NCK2: variants seen among roughly 807,000 people sequenced by gnomAD.
The protein encoded by NCK2 is cytoplasmic protein NCK2.
In NCK2, 16 loss-of-function variants were observed where a neutral mutation model predicts 33.9. The ratio of observed to expected loss-of-function variants is 0.47; its 90% CI spans 0.32 to 0.72. The LOEUF is 0.72. NCK2 is among the 30% of genes least tolerant of loss of function. The pLI, the probability that NCK2 is intolerant of heterozygous loss-of-function variation, is 0.03. For synonymous variants in NCK2, 273 were observed against 239.9 expected (o/e 1.14, Z -1.27); for missense variants, 418 against 537.3 (o/e 0.78, Z 2.19).
In NCK2 at chr2:105,756,039, A is replaced by T. The variant is rs1467505123; in HGVS notation, c.-201+10901A>T. Among the ~76,000 whole-genome samples, 4 of 152,246 alleles carry T rather than the reference A, an allele frequency of 2.6e-5. No homozygotes were observed. In the East Asian group the frequency reaches 7.7e-4, roughly 29 times the overall value. On this transcript the variant is annotated intron_variant, in intron 1 of 4. Coordinates refer to ENST00000233154, the MANE Select transcript of NCK2 (RefSeq NM_003581.5). ...AGTCGCTGACTTCCAGTGTCTGCAA[A>T]GCTGCCTGTTACCTGGCCTAGCATA...
At chr2:105,811,733 C>T (rs953259794) in intron 1 of NCK2, among the ~76,000 whole-genome samples, 5 of 152,138 alleles carry the variant, frequency 3.3e-5, no homozygotes, top group Admixed American at 1.3e-4. Context: ...CTGTCCAGCC[C>T]GCTGCCACTG....
At chr2:105,767,081 A>G (rs74887086) in intron 1 of NCK2, among the ~76,000 whole-genome samples, 2 of 152,084 alleles carry the variant, frequency 1.3e-5, no homozygotes, top group African/African-American at 4.8e-5. Context: ...CACACACACC[A>G]GTGCTGGGTT....
chr2:105,883,072 G>A (rs140668781), intron 4 of NCK2, among the ~76,000 whole-genome samples: 65 of 152,174 alleles, frequency 4.3e-4, no homozygotes, highest in African/African-American at 1.5e-3. Context: ...CTTTGAGGAC[G>A]GAGCATCGTG....
chr2:105,834,876 T>C (rs889578975), intron 2 of NCK2, among the ~76,000 whole-genome samples: 2 of 151,956 alleles, frequency 1.3e-5, no homozygotes, highest in African/African-American at 4.8e-5. Flanking sequence ...TGGGGTCTCA[T>C]TGTATTGCCC....
intron 3 of NCK2, among the ~76,000 whole-genome samples, chr2:105,856,335 T>C (rs1677270659): frequency 6.6e-6 from 1 of 152,216 alleles, no homozygotes; most frequent in African/African-American, 2.4e-5. Flanking sequence ...TTTAAAACGT[T>C]GTTACCTTCT....
intron 1 of NCK2, among the ~76,000 whole-genome samples, chr2:105,787,023 G>T (rs1319671060): frequency 6.6e-6 from 1 of 152,228 alleles, no homozygotes; most frequent in Non-Finnish European, 1.5e-5. Context: ...GTGAGCATGT[G>T]CCCTGCTTTC....
chr2:105,841,306 T>C (rs1419577457), intron 2 of NCK2, among the ~76,000 whole-genome samples: 2 of 152,316 alleles, frequency 1.3e-5, no homozygotes, highest in East Asian at 3.9e-4. Flanking sequence ...GTGGCTTATG[T>C]TTTTTCCCTC....
chr2:105,860,752 C>T (rs903471200), intron 3 of NCK2, among the ~76,000 whole-genome samples: 26 of 151,724 alleles, frequency 1.7e-4, no homozygotes, highest in Middle Eastern at 3.4e-3. Flanking sequence ...TGGATGCCGG[C>T]GGCGCTGTAA....
chr2:105,847,000 G>A (rs1486739668), intron 2 of NCK2, among the ~76,000 whole-genome samples: 1 of 152,198 alleles, frequency 6.6e-6, no homozygotes. Flanking sequence ...AGGGAATTCT[G>A]ACACATGCTA....
At chr2:105,795,268 C>A (rs1691037602) in intron 1 of NCK2, among the ~76,000 whole-genome samples, 1 of 151,982 alleles carries the variant, frequency 6.6e-6, no homozygotes, top group Non-Finnish European at 1.5e-5. Flanking sequence ...TTAATGTGAG[C>A]AAACACATAT....
At chr2:105,829,079 C>G (rs1676064826) in intron 2 of NCK2, among the ~76,000 whole-genome samples, 1 of 152,126 alleles carries the variant, frequency 6.6e-6, no homozygotes, top group Admixed American at 6.5e-5. Context: ...CAAGTGCTAG[C>G]TAGTGAAGTA....
chr2:105,805,789 T>C (rs900276023), intron 1 of NCK2, among the ~76,000 whole-genome samples: 5 of 152,234 alleles, frequency 3.3e-5, no homozygotes, highest in African/African-American at 7.2e-5. Flanking sequence ...CTTTTTAGGA[T>C]TGAATAATAT....
intron 1 of NCK2, among the ~76,000 whole-genome samples, chr2:105,762,942 C>T (rs889543748): frequency 1.3e-5 from 2 of 152,340 alleles, no homozygotes; most frequent in Non-Finnish European, 2.9e-5. Context: ...CGCCTGTAAT[C>T]CTAGCACTTT....
chr2:105,831,272 A>AAG (rs1173876456), intron 2 of NCK2, among the ~76,000 whole-genome samples: 3 of 152,216 alleles, frequency 2.0e-5, no homozygotes, highest in Non-Finnish European at 4.4e-5. Flanking sequence ...AGAAATGGAA[A>AAG]AGACAGTCCT....
intron 2 of NCK2, among the ~76,000 whole-genome samples, chr2:105,851,381 A>G (rs1677062346): frequency 1.3e-5 from 2 of 151,504 alleles, no homozygotes; most frequent in African/African-American, 4.9e-5. Flanking sequence ...CTCCTGCCTC[A>G]GCCTCCGGAG....
At chr2:105,876,654 T>G (rs1170310309) in intron 3 of NCK2, among the ~76,000 whole-genome samples, 1 of 152,246 alleles carries the variant, frequency 6.6e-6, no homozygotes, top group Non-Finnish European at 1.5e-5. Context: ...GTTAAAATTC[T>G]ATGAGAAAAG....
At chr2:105,861,115 A>G (rs1488149540) in intron 3 of NCK2, among the ~76,000 whole-genome samples, 5 of 152,280 alleles carry the variant, frequency 3.3e-5, no homozygotes, top group Middle Eastern at 3.4e-3. Flanking sequence ...TTGTGAAAGT[A>G]AAATATAGAT....
At chr2:105,805,708 G>T (rs992431477) in intron 1 of NCK2, among the ~76,000 whole-genome samples, 1 of 151,996 alleles carries the variant, frequency 6.6e-6, no homozygotes, top group Non-Finnish European at 1.5e-5. Context: ...ATGTCTTTCT[G>T]TACCTGGCTT....
intron 2 of NCK2, among the ~76,000 whole-genome samples, chr2:105,839,058 G>A (rs1676539624): frequency 6.6e-6 from 1 of 152,274 alleles, no homozygotes; most frequent in South Asian, 2.1e-4. Flanking sequence ...AGGAATATGA[G>A]AGAGGCAGGG....
Sources: gnomAD v4.1 joint callset for allele counts (sites outside exome capture counted in the v4.1 genomes callset) on GRCh38, gnomAD v4.1.1 for gene constraint, MANE v1.5 for transcripts, NCBI Gene and HGNC (gene_info 2026-07-23, HGNC 2026-07-21) for gene names.